THBS3: variants seen among roughly 807,000 people sequenced by gnomAD.
THBS3 encodes the protein thrombospondin 3, also known as thrombospondin-3.
In THBS3, 78 loss-of-function variants were observed where a neutral mutation model predicts 118.3. The ratio of observed to expected loss-of-function variants is 0.66; its 90% confidence interval spans 0.55 to 0.80. THBS3 has a LOEUF of 0.80. Among genes scored for constraint, THBS3 ranks in the 30% least tolerant of loss-of-function variants. THBS3 has a pLI of 0.00. For synonymous variants in THBS3, 427 were observed against 475.3 expected (o/e 0.90, Z 1.32); for missense variants, 1,057 against 1,247.4 (o/e 0.85, Z 2.30).
In THBS3 at chr1:155,202,921, C is replaced by G. The variant is rs770279938; in HGVS notation, c.848G>C (p.Cys283Ser). ...EQRSHCSPNP[C>S]FRGVDCMEVY... Reference sequence around the variant, plus strand: ...TTCCATGCAGTCCACACCTCGGAAGCAGGGATTGGGGCTGCAGTGGGAACG... The same window carrying G: ...TTCCATGCAGTCCACACCTCGGAAGGAGGGATTGGGGCTGCAGTGGGAACG... Residue 283 changes from cysteine to serine, a missense_variant, in exon 8 of 23, where the codon TGC (cysteine) becomes TCC (serine). Physicochemically the swap from Cys to Ser is moderately radical, Grantham distance 112. Coordinates refer to ENST00000368378, the MANE Select transcript of THBS3 (RefSeq NM_007112.5). This position sits in a 1 kb window ranked among gnomAD's most constrained non-coding sequence, Gnocchi z 5.5. 2 of 1,613,980 alleles carry G rather than the reference C, an allele frequency of 1.2e-6. No homozygotes were observed. The highest frequency in any genetic ancestry group is 1.7e-6 in the Non-Finnish European group (2 of 1,180,030).
Position 155,200,394 on chromosome 1 carries a change from C to A in THBS3, c.1708+57G>T, listed in dbSNP as rs572306440. ...CTTCCTAGCTTCCCTGCTTCATCCC[C>A]ACCTGATCCAAATTCTCACAGGTCC... is the stretch of plus-strand genomic sequence containing the variant. On this transcript the variant is annotated intron_variant, in intron 14 of 22. Coordinates refer to ENST00000368378, the MANE Select transcript of THBS3 (RefSeq NM_007112.5). 289 of 1,589,480 alleles carry A rather than the reference C, an allele frequency of 1.8e-4. No homozygotes were observed. In the African/African-American group the frequency reaches 3.4e-3, roughly 19 times the overall value.
chr1:155,207,875 ATG>A lies in THBS3; in HGVS notation c.-1_1del, dbSNP rs1670787801. 6.2e-7 allele frequency: 1 copy of A among 1,613,658 alleles called. No homozygotes were observed. Among genetic ancestry groups the A allele is most frequent in the African/African-American group, 1.3e-5 (1 of 74,862 alleles). On this transcript the variant is annotated start_lost and 5_prime_UTR_variant, in exon 1 of 23. Transcript: ENST00000368378. ...GGCCCCCCGAAGTTCCTGCGTCTCC[ATG>A]CCTCTCAGCCGGCTCACTACCCCTG...
intron 1 of THBS3, among the ~76,000 whole-genome samples, 198 bp downstream of exon 1, chr1:155,207,599 CA>C (rs1670743998): frequency 6.6e-6 from 1 of 152,200 alleles, no homozygotes; most frequent in Non-Finnish European, 1.5e-5. Flanking sequence ...TGTCCTGTTC[CA>C]GCTCCCCCAC....
rs372397212 is a variant in THBS3 at position 155,197,002 on chromosome 1, G to C, written c.2672+39C>G. 1.3e-6 allele frequency: 2 copies of C among 1,595,782 alleles called. No homozygotes were observed. The highest frequency in any genetic ancestry group is 8.6e-7 in the Non-Finnish European group (1 of 1,166,482). ...CCAGCTAAAGAGGAAGGACAGGCCC[G>C]GCCTGAGTCCCACAGGTGGGCTCAG... On this transcript the variant is annotated intron_variant, in intron 21 of 22. Transcript: ENST00000368378. This position sits in a 1 kb window ranked among gnomAD's most constrained non-coding sequence, Gnocchi z 5.0.
chr1:155,203,057 T>C, intron 7 of THBS3, 29 bp downstream of exon 7: 3 of 1,614,132 alleles, frequency 1.9e-6, no homozygotes, highest in African/African-American at 1.3e-5. Flanking sequence ...GGCACGGTCA[T>C]GTGGAGCCTC....
intron 13 of THBS3, 99 bp from the exon 14 acceptor site, chr1:155,200,709 T>C: frequency 6.4e-7 from 1 of 1,561,658 alleles, no homozygotes; most frequent in South Asian, 1.2e-5. Flanking sequence ...GATCACACCC[T>C]TGTGATGGAC....
At position 155,197,631 on chromosome 1, in the gene THBS3, A is replaced by G; in HGVS notation, c.2331T>C (p.Phe777=). ...VGYTAFNGVD[F]EGTFHVNTVT... ...CTGTGTTCACATGGAAGGTGCCTTC[A>G]AAGTCCACACCATTGAAGGCCGTGT... Residue 777 remains phenylalanine (F), a synonymous_variant, in exon 20 of 23, where the codon TTT becomes TTC. Coordinates refer to ENST00000368378, the MANE Select transcript of THBS3 (RefSeq NM_007112.5). This position sits in a 1 kb window ranked among gnomAD's most constrained non-coding sequence, Gnocchi z 5.0. The G allele has an allele frequency of 6.2e-7, 1 of 1,613,680 alleles. No homozygotes were observed. Among genetic ancestry groups the G allele is most frequent in the South Asian group, 1.1e-5 (1 of 91,020 alleles).
Position 155,195,843 on chromosome 1 carries a change from A to C in THBS3, c.2869T>G (p.Ter957GlyextTer12). The change falls in exon 23 of 23, where the codon TGA becomes GGA. Residue 957 changes from the stop codon to glycine (G), a stop_lost. Coordinates refer to ENST00000368378, the MANE Select transcript of THBS3 (RefSeq NM_007112.5). ...TTCTGAATCTGGTGGCCTCCTCCTC[A>C]CACCCTTCCCTGGAGCAGCTGCCTC... is the stretch of plus-strand genomic sequence containing the variant. The part of the protein sequence containing the change: ...FRRQLLQGRV[*>G] The C allele has an allele frequency of 6.2e-7, 1 of 1,613,846 alleles. No homozygotes were observed. Among genetic ancestry groups the C allele is most frequent in the Non-Finnish European group, 8.5e-7 (1 of 1,179,954 alleles).
chr1:155,205,047 C>T lies in THBS3; in HGVS notation c.543+13G>A, dbSNP rs1418732533. The stretch of plus-strand genomic sequence containing the variant: ...TCTATTTCCACAGAACTCAGAGGCT[C>T]CTCCCGGCTCACCTGCATCCTCAAA... On this transcript the variant is annotated intron_variant, in intron 3 of 22. Coordinates refer to ENST00000368378, the MANE Select transcript of THBS3 (RefSeq NM_007112.5). 1.9e-6 allele frequency: 3 copies of T among 1,612,818 alleles called. No homozygotes were observed. Among genetic ancestry groups the T allele is most frequent in the Middle Eastern group, 1.6e-4 (1 of 6,080 alleles).
At position 155,197,356 on chromosome 1, in the gene THBS3, A is replaced by C; in HGVS notation, c.2499+107T>G. 2 of 1,522,476 alleles carry C rather than the reference A, an allele frequency of 1.3e-6. No homozygotes were observed. The highest frequency in any genetic ancestry group is 3.6e-5 in the Admixed American group (2 of 56,132). 94.3% of individuals were successfully genotyped at this position (1,522,476 alleles called of 1,614,324 possible). ...CCCAGAGAGCCGGCCTCCAAGCCAG[A>C]TGTCTGGGTAAGAGGGTTCCCAGTC... On this transcript the variant is annotated intron_variant, in intron 20 of 22. Coordinates refer to ENST00000368378, the MANE Select transcript of THBS3 (RefSeq NM_007112.5). This position sits in a 1 kb window ranked among gnomAD's most constrained non-coding sequence, Gnocchi z 5.0.
rs1670429375 is a variant in THBS3, at chr1:155,205,604, CCT to C, written c.287-290_287-289del. 12 of 368,238 alleles carry C rather than the reference CCT, an allele frequency of 3.3e-5. No homozygotes were observed. In the South Asian group the frequency reaches 3.7e-4, roughly 11 times the overall value. The allele number at this position is 368,238 out of a possible 1,614,324, so 22.8% of individuals were successfully genotyped here. ...AACAGCCTGGTCAACATGGCGAAAC[CCT>C]GTTTCTACTAAAAATACAAAAGTTA... On this transcript the variant is annotated intron_variant, in intron 2 of 22. Coordinates refer to ENST00000368378, the MANE Select transcript of THBS3 (RefSeq NM_007112.5).
At position 155,198,487 on chromosome 1, in the gene THBS3, CATT is replaced by C; in HGVS notation, c.1993_1995del (p.Asn665del). On this transcript the variant is annotated inframe_deletion, in exon 17 of 23. Transcript: ENST00000368378. ...GGAGGCACATAATCTGGGATGCCAT[CATT>C]GTCATCATCCCCATCACACTCATCT... is the stretch of plus-strand genomic sequence containing the variant. 6.2e-7 allele frequency: 1 copy of C among 1,614,224 alleles called. No individual in the cohort carries two copies. The highest frequency in any genetic ancestry group is 8.5e-7 in the Non-Finnish European group (1 of 1,180,042).
intron 4 of THBS3, 195 bp downstream of exon 4, chr1:155,204,660 G>C (rs1167772187): frequency 6.7e-6 from 4 of 597,220 alleles, no homozygotes; most frequent in Non-Finnish European, 1.2e-5. Context: ...TCTTCTCTTA[G>C]ATCACTTTTT....
upstream of THBS3, chr1:155,209,134 G>GGGGATCTCCCCA (rs1670952139): frequency 6.5e-7 from 1 of 1,540,374 alleles, no homozygotes; most frequent in Non-Finnish European, 8.8e-7. Flanking sequence ...TCGCCTCCCC[G>GGGGATCTCCCCA]GGGATCTCCC....
intron 4 of THBS3, among the ~76,000 whole-genome samples, chr1:155,203,774 G>C (rs2148000493): frequency 6.6e-6 from 1 of 152,290 alleles, no homozygotes; most frequent in East Asian, 1.9e-4. Context: ...AAATCCTCCT[G>C]GTTCCTAGGC....
At chr1:155,201,396 C>T in intron 11 of THBS3, 21 bp downstream of exon 11, 1 of 1,582,132 alleles carries the variant, frequency 6.3e-7, no homozygotes, top group Non-Finnish European at 8.6e-7. Flanking sequence ...CTTTTCCTTC[C>T]ACGCCTGAAG....
Position 155,200,612 on chromosome 1 carries a change from T to C in THBS3, c.1549-2A>G. 1 of 1,554,418 alleles carries C rather than the reference T, an allele frequency of 6.4e-7. No homozygotes were observed. The highest frequency in any genetic ancestry group is 8.9e-7 in the Non-Finnish European group (1 of 1,125,986). On this transcript the variant is annotated splice_acceptor_variant, in intron 13 of 22. Coordinates refer to ENST00000368378, the MANE Select transcript of THBS3 (RefSeq NM_007112.5). LOFTEE classifies it high-confidence loss of function. ...GTTGGGGAACAGCCGGCAGTTGTCC[T>C]GGGCAGAGGGGTGGGAGGGGAAGGG...
chr1:155,205,300 C>T lies in THBS3; in HGVS notation c.303G>A (p.Gln101=), dbSNP rs763852015. ...CGGCGTGGACTTTGCCATCCTCCCGCTGGTATCGCACCAGTACTGCCCAGG... is the reference window on the plus strand; with the variant it reads ...CGGCGTGGACTTTGCCATCCTCCCGTTGGTATCGCACCAGTACTGCCCAGG... The part of the protein sequence containing the change: ...GKINKVLVRY[Q]REDGKVHAVN... Residue 101 remains glutamine, a synonymous_variant, in exon 3 of 23, where the codon CAG becomes CAA. Transcript: ENST00000368378. The T allele has an allele frequency of 1.2e-6, 2 of 1,613,938 alleles. No individual in the cohort carries two copies. The highest frequency in any genetic ancestry group is 1.7e-6 in the Non-Finnish European group (2 of 1,179,992).
In THBS3 at chr1:155,207,779, A is replaced by C. The variant is rs745881920; in HGVS notation, c.79+19T>G. ...GGGAAGAAGCAGAGAGCGGTCTAAG[A>C]GGATGGAGACAGGCTTACCCTGCAG... On this transcript the variant is annotated intron_variant, in intron 1 of 22. Transcript: ENST00000368378. 1 of 1,613,590 alleles carries C rather than the reference A, an allele frequency of 6.2e-7. No homozygotes were observed. The highest frequency in any genetic ancestry group is 8.5e-7 in the Non-Finnish European group (1 of 1,179,656).
Sources: allele counts gnomAD v4.1 joint callset (sites outside exome capture counted in the v4.1 genomes callset), GRCh38; gene constraint gnomAD v4.1.1; non-coding constraint Gnocchi (gnomAD v3.1); transcripts MANE v1.5; gene names NCBI Gene and HGNC (gene_info 2026-07-23, HGNC 2026-07-21).